The following ADRA1B variants were observed in gnomAD, a reference collection of about 807,000 sequenced individuals.
ADRA1B encodes the protein alpha-1B adrenergic receptor.
ADRA1B carries 17 observed loss-of-function variants against 17.9 expected under a neutral mutation model. That is an observed-to-expected ratio of 0.95 (90% confidence interval 0.65 to 1.42). The LOEUF (loss-of-function observed/expected upper bound fraction) is 1.42, where lower values mean the gene tolerates loss of function less well. ADRA1B is among the 40% of genes most tolerant of loss of function. ADRA1B has a pLI of 0.00. For synonymous variants in ADRA1B, 366 were observed against 327.6 expected (o/e 1.12, Z -1.27); for missense variants, 681 against 722.1 (o/e 0.94, Z 0.65).
intron 1 of ADRA1B, among the ~76,000 whole-genome samples, chr5:159,922,912 C>T (rs1406362098): frequency 6.6e-6 from 1 of 152,250 alleles, no homozygotes. Context: ...ACATAAACTG[C>T]AACAAGTGAC....
At chr5:159,966,051 G>A (rs1581071224) in intron 1 of ADRA1B, among the ~76,000 whole-genome samples, 1 of 152,200 alleles carries the variant, frequency 6.6e-6, no homozygotes, top group African/African-American at 2.4e-5. Flanking sequence ...CTGGATTACA[G>A]GTGTGAGCCA....
chr5:159,979,623 CT>C, the ADRA1B span, among the ~76,000 whole-genome samples: 1 of 152,084 alleles, frequency 6.6e-6, no homozygotes, highest in African/African-American at 2.4e-5. Context: ...AATCCCAACA[CT>C]TTGGAGGCCG....
In ADRA1B at chr5:159,972,089, C is replaced by A; in HGVS notation, c.1160C>A (p.Thr387Asn). 1.5e-6 allele frequency: 2 copies of A among 1,295,782 alleles called. No homozygotes were observed. The highest frequency in any genetic ancestry group is 2.0e-6 in the Non-Finnish European group (2 of 1,017,986). 80.3% of individuals were successfully genotyped at this position (1,295,782 alleles called of 1,614,324 possible). The stretch of plus-strand genomic sequence containing the variant: ...CGTCGCCTGGGCGGCTGCGCCTACA[C>A]CTACCGGCCGTGGACGCGCGGCGGC... ...RRRRLGGCAY[T>N]YRPWTRGGSL... The change falls in exon 2 of 2, where the codon ACC becomes AAC. Residue 387 changes from threonine (T) to asparagine (N), a missense_variant. Thr to Asn is a moderately conservative substitution (Grantham distance 65, BLOSUM62 0). This residue lies in a region of ADRA1B where 251 missense variants were observed against 224.9 expected (regional missense o/e 1.12). Transcript: ENST00000306675.
chr5:159,916,766 G>C lies in ADRA1B; in HGVS notation c.-140G>C, dbSNP rs1047788737. Reference sequence around the variant, plus strand: ...GACGTGCTGCCGGGCTGGGCTGCCCGGGGGAGATGACTCCTCGCCAGGAGG... The same window carrying C: ...GACGTGCTGCCGGGCTGGGCTGCCCCGGGGAGATGACTCCTCGCCAGGAGG... On this transcript the variant is annotated 5_prime_UTR_variant, in exon 1 of 2. Coordinates refer to ENST00000306675, the MANE Select transcript of ADRA1B (RefSeq NM_000679.4). 4.7e-5 allele frequency: 37 copies of C among 780,850 alleles called. No homozygotes were observed. The highest frequency in any genetic ancestry group is 2.2e-5 in the Non-Finnish European group (11 of 489,272). 48.4% of individuals were successfully genotyped at this position (780,850 alleles called of 1,614,324 possible).
intron 1 of ADRA1B, chr5:159,937,675 C>T (rs892870168): frequency 6.6e-6 from 1 of 152,190 alleles, no homozygotes; most frequent in South Asian, 2.1e-4. Context: ...GTCTCGAACT[C>T]CTGACCTCGT....
chr5:159,901,524 C>T (rs1754101119), intron 1 of ADRA1B, among the ~76,000 whole-genome samples: 1 of 151,950 alleles, frequency 6.6e-6, no homozygotes, highest in Non-Finnish European at 1.5e-5. Flanking sequence ...ATTTTAATTT[C>T]TGTATAGTTC....
intron 1 of ADRA1B, among the ~76,000 whole-genome samples, chr5:159,865,407 TA>T (rs1396632133): frequency 6.6e-6 from 1 of 152,088 alleles, no homozygotes; most frequent in Non-Finnish European, 1.5e-5. Flanking sequence ...AGATGCAACT[TA>T]AAATGAAATG....
chr5:159,935,458 A>G (rs1467371827), intron 1 of ADRA1B, among the ~76,000 whole-genome samples: 1 of 152,220 alleles, frequency 6.6e-6, no homozygotes, highest in Non-Finnish European at 1.5e-5. Context: ...AAATATATAT[A>G]AAAGGCGCCC....
chr5:159,943,007 T>G (rs143019375), intron 1 of ADRA1B, among the ~76,000 whole-genome samples: 3,984 of 152,018 alleles, frequency 0.026, 187 homozygotes, highest in African/African-American at 0.09. Flanking sequence ...AGGTCAGGAG[T>G]TCGAGACCAG....
intron 1 of ADRA1B, among the ~76,000 whole-genome samples, chr5:159,949,946 A>G (rs1354888337): frequency 6.6e-6 from 1 of 151,978 alleles, no homozygotes; most frequent in Admixed American, 6.6e-5. Flanking sequence ...CACCAACCCT[A>G]CCCACTCCCC....
At chr5:159,942,985 G>A (rs1473502139) in intron 1 of ADRA1B, among the ~76,000 whole-genome samples, 1 of 152,112 alleles carries the variant, frequency 6.6e-6, no homozygotes, top group Non-Finnish European at 1.5e-5. Context: ...GCCAAGGTGG[G>A]AGGATCACCT....
chr5:159,958,656 A>G (rs554625378), intron 1 of ADRA1B, among the ~76,000 whole-genome samples: 1 of 152,196 alleles, frequency 6.6e-6, no homozygotes, highest in South Asian at 2.1e-4. Context: ...AACAACAAAA[A>G]CCTGTTGGGA....
At chr5:159,913,393 G>A (rs1340491486), upstream of ADRA1B, among the ~76,000 whole-genome samples, 2 of 152,174 alleles carry the variant, frequency 1.3e-5, no homozygotes, top group African/African-American at 4.8e-5. Flanking sequence ...AGCACCATTA[G>A]CAAAGGTTGC....
chr5:159,917,508 C>G lies in ADRA1B; in HGVS notation c.603C>G (p.Pro201=). ...AGGAGTGCGGGGTCACCGAAGAACC[C>G]TTCTATGCCCTCTTCTCCTCTCTGG... ...DDKECGVTEE[P]FYALFSSLGS... is the part of the protein sequence containing the mutation. Residue 201 remains proline, a synonymous_variant, in exon 1 of 2, where the codon CCC becomes CCG. Coordinates refer to ENST00000306675, the MANE Select transcript of ADRA1B (RefSeq NM_000679.4). 6.2e-7 allele frequency: 1 copy of G among 1,614,066 alleles called. No individual in the cohort carries two copies. Among genetic ancestry groups the G allele is most frequent in the South Asian group, 1.1e-5 (1 of 91,070 alleles).
chr5:159,880,053 G>A (rs1753846553), intron 1 of ADRA1B, among the ~76,000 whole-genome samples: 1 of 152,108 alleles, frequency 6.6e-6, no homozygotes, highest in South Asian at 2.1e-4. Flanking sequence ...GTAGAGAAGA[G>A]ATGCATTCCT....
chr5:159,930,357 C>T (rs537907812), intron 1 of ADRA1B, among the ~76,000 whole-genome samples: 3 of 152,308 alleles, frequency 2.0e-5, no homozygotes, highest in African/African-American at 7.2e-5. Context: ...AGGCCGGGCG[C>T]GGTGGCTCAT....
At chr5:159,939,322 T>TGTGTGCGCGCGC (rs1554090928) in intron 1 of ADRA1B, among the ~76,000 whole-genome samples, 4 of 107,662 alleles carry the variant, frequency 3.7e-5, no homozygotes, top group South Asian at 3.3e-4. Flanking sequence ...TGTGTGTGTG[T>TGTGTGCGCGCGC]GCGCGCGCGC....
intron 1 of ADRA1B, among the ~76,000 whole-genome samples, chr5:159,931,222 T>C (rs1754794440): frequency 2.0e-5 from 3 of 149,532 alleles, no homozygotes; most frequent in South Asian, 4.2e-4. Context: ...AGACCCCCCA[T>C]CTCTACAAAT....
At chr5:159,884,730 C>T (rs932926923) in intron 1 of ADRA1B, among the ~76,000 whole-genome samples, 1 of 152,118 alleles carries the variant, frequency 6.6e-6, no homozygotes, top group Non-Finnish European at 1.5e-5. Flanking sequence ...TAATCTGTAA[C>T]CATAAAACAC....
Sources: gnomAD v4.1 joint callset for allele counts (sites outside exome capture counted in the v4.1 genomes callset) on GRCh38, gnomAD v4.1.1 for gene constraint, gnomAD v4.1.1 regional missense constraint, MANE v1.5 for transcripts, NCBI Gene and HGNC (gene_info 2026-07-23, HGNC 2026-07-21) for gene names.